The following CNPY1 variants were observed in gnomAD, a reference collection of about 807,000 sequenced individuals.
The protein encoded by CNPY1 is protein canopy homolog 1.
Under a neutral mutation model 14.4 loss-of-function variants are expected in CNPY1, and 14 were observed. The observed-to-expected ratio is 0.97, with a 90% CI of 0.64 to 1.52. The LOEUF (loss-of-function observed/expected upper bound fraction) is 1.52. Among genes scored for constraint, CNPY1 ranks in the 40% most tolerant of loss-of-function variants. The pLI is 0.00. For missense variants in CNPY1, 129 were observed against 131.5 expected, an observed-to-expected ratio of 0.98 and a Z score of 0.09; for synonymous variants, 43 against 46.5, an observed-to-expected ratio of 0.92 and a Z score of 0.31.
chr7:155,535,146 A>G (rs767230212), intron 2 of CNPY1, among the ~76,000 whole-genome samples: 4 of 152,224 alleles, frequency 2.6e-5, no homozygotes, highest in Non-Finnish European at 1.5e-5. Flanking sequence ...TGCATCCCCA[A>G]TTCCCTAATG....
At chr7:155,531,436 A>T (rs894703419) in intron 2 of CNPY1, among the ~76,000 whole-genome samples, 3 of 152,228 alleles carry the variant, frequency 2.0e-5, no homozygotes, top group Non-Finnish European at 4.4e-5. Flanking sequence ...AGAGGCTTCG[A>T]CAACTAATTT....
intron 2 of CNPY1, among the ~76,000 whole-genome samples, chr7:155,543,164 A>G (rs1197342162): frequency 1.3e-5 from 2 of 152,146 alleles, no homozygotes; most frequent in Non-Finnish European, 2.9e-5. Context: ...AGGAGAAAAA[A>G]GCAGGCAAGG....
chr7:155,518,791 C>T (rs1369073580), intron 2 of CNPY1, among the ~76,000 whole-genome samples: 2 of 152,170 alleles, frequency 1.3e-5, no homozygotes, highest in African/African-American at 2.4e-5. Flanking sequence ...TGTCCGGGGT[C>T]TCACCCTGCA....
intron 2 of CNPY1, among the ~76,000 whole-genome samples, chr7:155,528,954 G>A (rs1338774332): frequency 6.6e-6 from 1 of 152,100 alleles, no homozygotes; most frequent in Non-Finnish European, 1.5e-5. Context: ...CCAGCTACTT[G>A]GGAAGCTGAG....
chr7:155,513,913 T>A (rs1234904550), intron 2 of CNPY1, among the ~76,000 whole-genome samples: 1 of 152,246 alleles, frequency 6.6e-6, no homozygotes, highest in Non-Finnish European at 1.5e-5. Flanking sequence ...CCTTTAATTT[T>A]TGAACATTTT....
intron 2 of CNPY1, among the ~76,000 whole-genome samples, chr7:155,534,283 A>T (rs1185201789): frequency 1.3e-5 from 2 of 151,880 alleles, no homozygotes; most frequent in Non-Finnish European, 2.9e-5. Context: ...CTTTGAGCTC[A>T]CACACACACA....
chr7:155,520,351 G>A (rs1020605959), intron 2 of CNPY1, among the ~76,000 whole-genome samples: 3 of 151,972 alleles, frequency 2.0e-5, no homozygotes, highest in Admixed American at 1.3e-4. Flanking sequence ...ACCCACATGC[G>A]GTCCCAGGGC....
intron 2 of CNPY1, among the ~76,000 whole-genome samples, chr7:155,532,093 A>G (rs1001845800): frequency 1.3e-5 from 2 of 152,266 alleles, no homozygotes; most frequent in East Asian, 1.9e-4. Flanking sequence ...GCAGAGATCA[A>G]TGTCTAGGAG....
rs117687796 is a variant in CNPY1 at position 155,514,608 on chromosome 7, C to T, written c.100-5511G>A. On this transcript the variant is annotated intron_variant, in intron 2 of 4. Coordinates refer to ENST00000636446, the MANE Select transcript of CNPY1 (RefSeq NM_001393663.1). ...CAAGACTTCCTTATAAAATGTTAGACGTCTGGCTGGGTGCAGTGGCTCACA... is the reference window on the plus strand; with the variant it reads ...CAAGACTTCCTTATAAAATGTTAGATGTCTGGCTGGGTGCAGTGGCTCACA... Among the ~76,000 whole-genome samples the T allele has an allele frequency of 2.6e-4, 39 of 152,260 alleles. No individual in the cohort carries two copies. In the East Asian group the frequency reaches 2.9e-3, roughly 11 times the overall value.
rs1347733819 is a variant in CNPY1, at chr7:155,520,005, A to ATTTCTTTTTTTTTTTTTTT, written c.100-10909_100-10908insAAAAAAAAAAAAAAAGAAA. On this transcript the variant is annotated intron_variant, in intron 2 of 4. Coordinates refer to ENST00000636446, the MANE Select transcript of CNPY1 (RefSeq NM_001393663.1). The stretch of plus-strand genomic sequence containing the variant: ...AATGATCAGTAACTCTGCTATGAGG[A>ATTTCTTTTTTTTTTTTTTT]TTTCTGTATCACTTTTTCCTGTAGA... Among the ~76,000 whole-genome samples the ATTTCTTTTTTTTTTTTTTT allele has an allele frequency of 1.0e-3, 156 of 152,262 alleles. 1 individual carries two copies. The highest frequency in any genetic ancestry group is 1.6e-3 in the Non-Finnish European group (109 of 68,008).
intron 2 of CNPY1, among the ~76,000 whole-genome samples, chr7:155,527,395 C>A (rs1196690398): frequency 7.1e-6 from 1 of 139,898 alleles, no homozygotes; most frequent in East Asian, 2.1e-4. Context: ...TCTCTTATCT[C>A]TTGCTAAAAT....
chr7:155,505,074 C>T (rs980864691), intron 4 of CNPY1, among the ~76,000 whole-genome samples: 2 of 152,150 alleles, frequency 1.3e-5, no homozygotes, highest in South Asian at 2.1e-4. Context: ...TGTTATCGTG[C>T]TATTAACTCA....
At chr7:155,539,171 A>G (rs542962256) in intron 2 of CNPY1, among the ~76,000 whole-genome samples, 2 of 152,332 alleles carry the variant, frequency 1.3e-5, no homozygotes, top group South Asian at 4.1e-4. Context: ...CTTTCTGCAG[A>G]AGGAGTCAGG....
At chr7:155,521,036 A>C (rs1796710516) in intron 2 of CNPY1, among the ~76,000 whole-genome samples, 1 of 20,570 alleles carries the variant, frequency 4.9e-5, no homozygotes, top group African/African-American at 3.3e-4. Context: ...CTGAGGCATG[A>C]GAATGAAAAA....
chr7:155,532,702 AT>A (rs11348912), intron 2 of CNPY1, among the ~76,000 whole-genome samples: 112,414 of 151,650 alleles, frequency 0.74, 42,770 homozygotes, highest in African/African-American at 0.92. Context: ...GTTGCTGAGA[AT>A]TTTTTTTTTC....
intron 2 of CNPY1, among the ~76,000 whole-genome samples, chr7:155,539,487 T>C (rs970846158): frequency 1.1e-4 from 17 of 152,314 alleles, no homozygotes; most frequent in African/African-American, 2.9e-4. Flanking sequence ...GCTGGCCTGA[T>C]AGAATAGCCA....
chr7:155,512,454 G>C (rs114368356), intron 2 of CNPY1, among the ~76,000 whole-genome samples: 2,171 of 152,262 alleles, frequency 0.014, 63 homozygotes, highest in African/African-American at 0.05. Flanking sequence ...CCCTGTGCTT[G>C]TTGTGTGAGC....
chr7:155,528,789 G>A (rs150190355), intron 2 of CNPY1, among the ~76,000 whole-genome samples: 155 of 152,266 alleles, frequency 1.0e-3, no homozygotes, highest in Non-Finnish European at 1.9e-3. Context: ...GGCTGGGCGC[G>A]GTGGCTCACA....
In CNPY1 at chr7:155,516,800, C is replaced by T. The variant is rs560544920; in HGVS notation, c.100-7703G>A. Among the ~76,000 whole-genome samples, 98 of 152,274 alleles carry T rather than the reference C, an allele frequency of 6.4e-4. 1 individual carries two copies. The highest frequency in any genetic ancestry group is 2.2e-3 in the African/African-American group (92 of 41,550). On this transcript the variant is annotated intron_variant, in intron 2 of 4. Coordinates refer to ENST00000636446, the MANE Select transcript of CNPY1 (RefSeq NM_001393663.1). ...GACACTCGGGCCATTCCCTTGGTCC[C>T]GCCTGGCCACCTTCTGTTCCCTCCT...
Sources: gnomAD v4.1 joint callset for allele counts (sites outside exome capture counted in the v4.1 genomes callset) on GRCh38, gnomAD v4.1.1 for gene constraint, MANE v1.5 for transcripts, NCBI Gene and HGNC (gene_info 2026-07-23, HGNC 2026-07-21) for gene names.